The following CCDC88C variants were observed in gnomAD, a reference collection of about 807,000 sequenced individuals.
CCDC88C encodes coiled-coil and HOOK domain protein 88C.
CCDC88C carries 131 observed loss-of-function variants against 198.8 expected under a neutral mutation model. The observed-to-expected ratio is 0.66, with a 90% confidence interval of 0.57 to 0.76. The LOEUF is 0.76. CCDC88C is among the 30% of genes least tolerant of loss of function. CCDC88C has a pLI of 0.00. For synonymous variants in CCDC88C, 1,166 were observed against 1,114.7 expected (o/e 1.05, Z -0.92); for missense variants, 2,553 against 2,631.6 (o/e 0.97, Z 0.65).
At chr14:91,359,157 A>ATTT (rs1596109845) in intron 4 of CCDC88C, among the ~76,000 whole-genome samples, 1 of 119,792 alleles carries the variant, frequency 8.3e-6, no homozygotes, top group Non-Finnish European at 1.8e-5. Flanking sequence ...GGGAGGCTTC[A>ATTT]TTCTTTTTTT....
intron 2 of CCDC88C, among the ~76,000 whole-genome samples, chr14:91,415,855 C>G (rs1887020371): frequency 1.3e-5 from 2 of 152,134 alleles, no homozygotes; most frequent in Non-Finnish European, 2.9e-5. Context: ...CGAAGCTGAT[C>G]TCTCATTAGC....
intron 3 of CCDC88C, among the ~76,000 whole-genome samples, chr14:91,378,147 A>T (rs1567109372): frequency 6.6e-6 from 1 of 152,242 alleles, no homozygotes; most frequent in African/African-American, 2.4e-5. Flanking sequence ...ATCTATAACA[A>T]GGCAATAATT....
Position 91,273,523 on chromosome 14 carries a change from G to T in CCDC88C, c.5189C>A (p.Ala1730Asp), listed in dbSNP as rs768378092. The change falls in exon 30 of 30, where the codon GCC becomes GAC. Residue 1730 changes from alanine to aspartate, a missense_variant. This residue lies in a region of CCDC88C where 1,293 missense variants were observed against 1,219.6 expected (regional missense o/e 1.06). Transcript: ENST00000389857. This position sits in a 1 kb window ranked among gnomAD's most constrained non-coding sequence, Gnocchi z 5.6. ...GGGGGCGGCCATTTTGACGGTGGGG[G>T]CCACAAAGTTGGTGGGCATCTTGGC... ...EGAKMPTNFV[A>D]PTVKMAAPTS... is the part of the protein sequence containing the mutation. 2 of 1,533,466 alleles carry T rather than the reference G, an allele frequency of 1.3e-6. No individual in the cohort carries two copies. The highest frequency in any genetic ancestry group is 2.5e-5 in the South Asian group (2 of 79,054). 95.0% of individuals were successfully genotyped at this position (1,533,466 alleles called of 1,614,324 possible).
In CCDC88C at chr14:91,284,770, T is replaced by C. The variant is rs1202586706; in HGVS notation, c.4442-1253A>G. On this transcript the variant is annotated intron_variant, in intron 25 of 29. Transcript: ENST00000389857. The surrounding 1 kb of genome is among the most constrained non-coding windows in gnomAD (Gnocchi z 4.1). ...GTGTGTTTTCCACTTACAGGACTGA[T>C]ACTAATCTTTCCTTTTAATACATTT... 6.6e-6 allele frequency among the ~76,000 whole-genome samples: 1 copy of C among 152,258 alleles called. No individual in the cohort carries two copies. The highest frequency in any genetic ancestry group is 1.9e-4 in the East Asian group (1 of 5,204).
At chr14:91,348,491 T>C (rs192536123) in intron 4 of CCDC88C, among the ~76,000 whole-genome samples, 3 of 151,916 alleles carry the variant, frequency 2.0e-5, no homozygotes, top group East Asian at 1.9e-4. Context: ...AACAAACAAA[T>C]AAACAAAAAA....
At chr14:91,373,318 G>C (rs2139933242) in intron 3 of CCDC88C, among the ~76,000 whole-genome samples, 1 of 152,318 alleles carries the variant, frequency 6.6e-6, no homozygotes, top group South Asian at 2.1e-4. Flanking sequence ...ACTAGGGGCA[G>C]GTCTGGCCCT....
intron 22 of CCDC88C, 32 bp from the exon 23 acceptor site, chr14:91,294,350 C>G (rs774359452): frequency 1.2e-6 from 2 of 1,610,252 alleles, no homozygotes; most frequent in Admixed American, 1.7e-5. Context: ...TCTCAGACAC[C>G]ATGTGACCCG....
chr14:91,272,347 C>CAAAAA lies in CCDC88C; in HGVS notation c.*277_*278insTTTTT. The CAAAAA allele has an allele frequency of 2.2e-6, 1 of 461,896 alleles. No homozygotes were observed. The highest frequency in any genetic ancestry group is 3.9e-6 in the Non-Finnish European group (1 of 258,124). The allele number at this position is 461,896 out of a possible 1,614,324, so 28.6% of individuals were successfully genotyped here. The stretch of plus-strand genomic sequence containing the variant: ...TTTGGGGGAAGTCAGTTTGTCATTG[C>CAAAAA]ATCCTAATTGGTCCCCATGCTGACG... On this transcript the variant is annotated 3_prime_UTR_variant, in exon 30 of 30. Transcript: ENST00000389857.
intron 3 of CCDC88C, among the ~76,000 whole-genome samples, chr14:91,383,776 C>T (rs1161636061): frequency 1.3e-5 from 2 of 152,190 alleles, no homozygotes; most frequent in Non-Finnish European, 2.9e-5. Context: ...TGTGCTGTGA[C>T]AGGGAGGGGT....
chr14:91,303,739 A>G lies in CCDC88C; in HGVS notation c.3597T>C (p.His1199=). 6.2e-7 allele frequency: 1 copy of G among 1,608,554 alleles called. No homozygotes were observed. Among genetic ancestry groups the G allele is most frequent in the Non-Finnish European group, 8.5e-7 (1 of 1,176,902 alleles). The change falls in exon 20 of 30, where the codon CAT becomes CAC. Residue 1199 remains histidine, a synonymous_variant. Transcript: ENST00000389857. ...IRQHSCLKTL[H]RNLELEHKEL... is the part of the protein sequence containing the mutation. ...CCTTGTGCTCCAGCTCCAGATTCCG[A>G]TGCAGTGTCTTTAGGCAGCTGTGCT...
Position 91,381,243 on chromosome 14 carries a change from CTG to C in CCDC88C, c.271-21534_271-21533del, listed in dbSNP as rs746886318. On this transcript the variant is annotated intron_variant, in intron 3 of 29. Transcript: ENST00000389857. The surrounding 1 kb of genome is among the most constrained non-coding windows in gnomAD (Gnocchi z 4.2). ...CCCCCAGCTTGTCCTCTGAAGGAGA[CTG>C]TGACCCACCAGACCCCTCACACATG... is the stretch of plus-strand genomic sequence containing the variant. 1.3e-4 allele frequency among the ~76,000 whole-genome samples: 20 copies of C among 152,156 alleles called. No individual in the cohort carries two copies. Among genetic ancestry groups the C allele is most frequent in the Non-Finnish European group, 2.1e-4 (14 of 68,038 alleles).
rs565977390 is a variant in CCDC88C, at chr14:91,303,774, G to C, written c.3562C>G (p.Leu1188Val). The change falls in exon 20 of 30, where the codon CTC becomes GTC. Residue 1188 changes from leucine (L) to valine (V), a missense_variant. Physicochemically the swap from Leu to Val is conservative, Grantham distance 32. Around this residue, in one of 2 missense-constraint regions of CCDC88C, gnomAD observed 1,293 missense variants for 1,219.6 expected, o/e 1.06. Transcript: ENST00000389857. Reference protein sequence around the residue: ...HERQSAEYEALIRQHSCLKTL... With the variant: ...HERQSAEYEAVIRQHSCLKTL... Reference sequence around the variant, plus strand: ...TTTAGGCAGCTGTGCTGGCGGATGAGGGCCTCGTACTCGGCCGATTGCCGC... The same window carrying C: ...TTTAGGCAGCTGTGCTGGCGGATGACGGCCTCGTACTCGGCCGATTGCCGC... The C allele has an allele frequency of 2.2e-4, 359 of 1,613,368 alleles. 1 individual carries two copies. The South Asian group carries it at 3.7e-3, about 17-fold the overall frequency.
intron 13 of CCDC88C, among the ~76,000 whole-genome samples, chr14:91,316,256 A>T (rs1163361052): frequency 2.6e-5 from 4 of 152,094 alleles, no homozygotes; most frequent in African/African-American, 4.8e-5. Flanking sequence ...AGGCCAGGCC[A>T]CATTTTGTCT....
chr14:91,285,863 A>G (rs1890383607), intron 25 of CCDC88C: 1 of 1,197,318 alleles, frequency 8.4e-7, no homozygotes, highest in Admixed American at 2.8e-5. Context: ...CGGATAACCC[A>G]AAGGAGGAAG....
chr14:91,293,572 ACCTTCCTGTCCCCTCGCCTGCCATG>A (rs1596032909), intron 23 of CCDC88C, among the ~76,000 whole-genome samples: 13 of 106,738 alleles, frequency 1.2e-4, no homozygotes, highest in East Asian at 5.5e-4. Context: ...GCCACGGCCC[ACCTTCCTGTCCCCTCGCCTGCCATG>A]GCCCACCTCC....
At chr14:91,299,553 G>T (rs930587919) in intron 21 of CCDC88C, among the ~76,000 whole-genome samples, 1 of 152,320 alleles carries the variant, frequency 6.6e-6, no homozygotes, top group South Asian at 2.1e-4. Context: ...TAAAACTTTA[G>T]CAAGTAGGTG....
At chr14:91,410,937 A>G (rs893388632) in intron 2 of CCDC88C, among the ~76,000 whole-genome samples, 8 of 152,188 alleles carry the variant, frequency 5.3e-5, no homozygotes, top group East Asian at 1.9e-4. Context: ...AAGGCATAGC[A>G]TACACTCAGG....
rs146045732 is a variant in CCDC88C at position 91,404,565 on chromosome 14, G to A, written c.270+4094C>T. Among the ~76,000 whole-genome samples, 496 of 152,268 alleles carry A rather than the reference G, an allele frequency of 3.3e-3. 2 individuals carry two copies. Among genetic ancestry groups the A allele is most frequent in the African/African-American group, 0.01 (432 of 41,558 alleles). On this transcript the variant is annotated intron_variant, in intron 3 of 29. Coordinates refer to ENST00000389857, the MANE Select transcript of CCDC88C (RefSeq NM_001080414.4). ...TGCATCTCTAACAAGCTCCCAGCGC[G>A]GCTGCAGATCTGGGGACCATCCTTT...
chr14:91,294,260 A>C lies in CCDC88C; in HGVS notation c.4025T>G (p.Ile1342Ser). 6.2e-7 allele frequency: 1 copy of C among 1,613,960 alleles called. No individual in the cohort carries two copies. The highest frequency in any genetic ancestry group is 8.5e-7 in the Non-Finnish European group (1 of 1,179,862). The change falls in exon 23 of 30, where the codon ATC (isoleucine) becomes AGC (serine). Residue 1342 changes from isoleucine (I) to serine (S), a missense_variant. Physicochemically the swap from Ile to Ser is moderately radical, Grantham distance 142. Coordinates refer to ENST00000389857, the MANE Select transcript of CCDC88C (RefSeq NM_001080414.4). ...EEENHHLLSQ[I>S]QLLSQQNQML... The stretch of plus-strand genomic sequence containing the variant: ...CTGGTTCTGCTGGCTCAACAGCTGG[A>C]TCTGGCTCAGGAGGTGATGATTTTC...
Sources: allele counts gnomAD v4.1 joint callset (sites outside exome capture counted in the v4.1 genomes callset), GRCh38; gene constraint gnomAD v4.1.1; regional missense constraint gnomAD v4.1.1; non-coding constraint Gnocchi (gnomAD v3.1); transcripts MANE v1.5; gene names NCBI Gene and HGNC (gene_info 2026-07-23, HGNC 2026-07-21).